ITPR2: variants seen among roughly 807,000 people sequenced by gnomAD.
ITPR2 encodes inositol 1,4,5-trisphosphate-gated calcium channel ITPR2.
A neutral mutation model predicts 317.1 loss-of-function variants in ITPR2; 207 were observed. That is an observed-to-expected ratio of 0.65 (90% CI 0.58 to 0.73). The LOEUF is 0.73. Ranked by LOEUF, ITPR2 falls within the 30% of genes least tolerant of loss-of-function variation. ITPR2 has a pLI of 0.00. For synonymous variants in ITPR2, 1,156 were observed against 1,149.1 expected (o/e 1.01, Z -0.12); for missense variants, 2,613 against 3,284.0 (o/e 0.80, Z 4.99).
At chr12:26,765,490 C>T (rs1565746555) in intron 2 of ITPR2, among the ~76,000 whole-genome samples, 1 of 151,966 alleles carries the variant, frequency 6.6e-6, no homozygotes, top group Non-Finnish European at 1.5e-5. Context: ...TTGCCCTTAC[C>T]TTCTCTTAAA....
chr12:26,583,134 T>C (rs1263767487), intron 32 of ITPR2, among the ~76,000 whole-genome samples: 1 of 152,190 alleles, frequency 6.6e-6, no homozygotes, highest in Non-Finnish European at 1.5e-5. Flanking sequence ...TTTCTTGAAA[T>C]GTGCCATGTG....
At chr12:26,758,992 A>T (rs1413059176) in intron 2 of ITPR2, among the ~76,000 whole-genome samples, 1 of 152,238 alleles carries the variant, frequency 6.6e-6, no homozygotes, top group African/African-American at 2.4e-5. Flanking sequence ...CCTTCTGGAC[A>T]TCATGGTCCA....
chr12:26,697,306 G>C (rs904052764), intron 9 of ITPR2, among the ~76,000 whole-genome samples: 9 of 152,168 alleles, frequency 5.9e-5, no homozygotes, highest in Non-Finnish European at 1.2e-4. Context: ...AACAAGGAAA[G>C]AACAAAGGAA....
Position 26,628,029 on chromosome 12 carries a change from A to G in ITPR2, c.3064+4T>C. On this transcript the variant is annotated splice_donor_region_variant and intron_variant, in intron 23 of 56. Coordinates refer to ENST00000381340, the MANE Select transcript of ITPR2 (RefSeq NM_002223.4). ...AAAGAGTAAATACTGTCACAAAAAG[A>G]TACCTGATGGTAGTAAAGTGTCTGG... 1.3e-6 allele frequency: 2 copies of G among 1,598,848 alleles called. No homozygotes were observed. Among genetic ancestry groups the G allele is most frequent in the Non-Finnish European group, 1.7e-6 (2 of 1,175,596 alleles).
chr12:26,766,823 G>T (rs1949728354), intron 2 of ITPR2, among the ~76,000 whole-genome samples: 1 of 152,036 alleles, frequency 6.6e-6, no homozygotes, highest in Non-Finnish European at 1.5e-5. Flanking sequence ...AAATGTCACA[G>T]ATTTCCTATA....
intron 13 of ITPR2, among the ~76,000 whole-genome samples, chr12:26,671,551 A>G (rs551768699): frequency 4.6e-5 from 7 of 152,308 alleles, no homozygotes; most frequent in African/African-American, 9.6e-5. Context: ...TGAAGGAAGC[A>G]CTAAACATGG....
chr12:26,673,676 T>C (rs1442450966), intron 13 of ITPR2, among the ~76,000 whole-genome samples: 1 of 151,326 alleles, frequency 6.6e-6, no homozygotes, highest in Non-Finnish European at 1.5e-5. Context: ...TTCAACATAG[T>C]GTTGGAAGTT....
intron 37 of ITPR2, among the ~76,000 whole-genome samples, chr12:26,498,927 C>A (rs1041144808): frequency 1.3e-5 from 2 of 152,172 alleles, no homozygotes; most frequent in East Asian, 3.8e-4. Context: ...ACCTCACACT[C>A]CTGGCCTCAA....
At position 26,436,337 on chromosome 12, in the gene ITPR2, G is replaced by A; in HGVS notation, c.6653C>T (p.Ala2218Val). 2.5e-6 allele frequency: 4 copies of A among 1,607,604 alleles called. No individual in the cohort carries two copies. The highest frequency in any genetic ancestry group is 3.4e-6 in the Non-Finnish European group (4 of 1,178,142). The change falls in exon 48 of 57, where the codon GCA (alanine) becomes GTA (valine). Residue 2218 changes from alanine to valine, a missense_variant. Ala to Val is a moderately conservative substitution (Grantham distance 64, BLOSUM62 0). Transcript: ENST00000381340. The stretch of plus-strand genomic sequence containing the variant: ...GATGTGCCTCGAGAACCAGAACAGT[G>A]CAGGGTTATCTAGGAAGTGAGAAAT... ...KWQKKIRNNP[A>V]LFWFSRHISL...
At chr12:26,685,122 C>G (rs756202955) in intron 11 of ITPR2, among the ~76,000 whole-genome samples, 2 of 152,140 alleles carry the variant, frequency 1.3e-5, no homozygotes, top group African/African-American at 4.8e-5. Flanking sequence ...TGCATAGGTG[C>G]CTTCAGCTTC....
intron 45 of ITPR2, among the ~76,000 whole-genome samples, chr12:26,457,940 T>C (rs1591801867): frequency 6.6e-6 from 1 of 152,256 alleles, no homozygotes; most frequent in Middle Eastern, 3.4e-3. Flanking sequence ...GCTCAATAAA[T>C]ATGAACTAAA....
At chr12:26,815,953 C>T (rs1950844623) in intron 1 of ITPR2, among the ~76,000 whole-genome samples, 1 of 151,808 alleles carries the variant, frequency 6.6e-6, no homozygotes. Context: ...ATTAGCCGGG[C>T]GTGGTGGCAC....
chr12:26,457,458 G>A (rs1376318350), intron 45 of ITPR2, among the ~76,000 whole-genome samples: 3 of 152,206 alleles, frequency 2.0e-5, no homozygotes, highest in East Asian at 3.9e-4. Context: ...GGAAGTATTA[G>A]AAGGTGTTGA....
chr12:26,782,462 A>C (rs190531682), intron 2 of ITPR2, among the ~76,000 whole-genome samples: 88 of 152,326 alleles, frequency 5.8e-4, no homozygotes, highest in Admixed American at 5.2e-3. Flanking sequence ...CAAATAGTTA[A>C]AGGGCTATTG....
chr12:26,620,223 C>T lies in ITPR2; in HGVS notation c.3462+900G>A, dbSNP rs149402909. ...GGCATCTACTTGTGGCTGCGAGGGC[C>T]GCAAAGGAAATCCCAGTAGACGTCA... On this transcript the variant is annotated intron_variant, in intron 26 of 56. Transcript: ENST00000381340. Among the ~76,000 whole-genome samples, 34 of 152,346 alleles carry T rather than the reference C, an allele frequency of 2.2e-4. No individual in the cohort carries two copies. In the East Asian group the frequency reaches 6.0e-3, roughly 27 times the overall value.
chr12:26,372,430 C>A (rs911056961), intron 55 of ITPR2, among the ~76,000 whole-genome samples: 1 of 152,228 alleles, frequency 6.6e-6, no homozygotes, highest in South Asian at 2.1e-4. Flanking sequence ...ATTGTTTAAT[C>A]CTTAGGAAAC....
Position 26,786,445 on chromosome 12 carries a change from TCAA to T in ITPR2, c.163+3709_163+3711del, listed in dbSNP as rs1592131110. On this transcript the variant is annotated intron_variant, in intron 2 of 56. Coordinates refer to ENST00000381340, the MANE Select transcript of ITPR2 (RefSeq NM_002223.4). ...CTCTGCGAGAAACACCCAAGAATGA[TCAA>T]TAAAAAAAAAAAAAAAAAAAAATGG... is the stretch of plus-strand genomic sequence containing the variant. 3.8e-4 allele frequency among the ~76,000 whole-genome samples: 12 copies of T among 31,676 alleles called. No homozygotes were observed. In the East Asian group the frequency reaches 0.028, roughly 74 times the overall value. The allele number at this position is 31,676 out of a possible 152,430, so 20.8% of individuals were successfully genotyped here.
At chr12:26,378,951 G>C (rs752976280) in intron 55 of ITPR2, among the ~76,000 whole-genome samples, 7 of 152,150 alleles carry the variant, frequency 4.6e-5, no homozygotes, top group Non-Finnish European at 5.9e-5. Context: ...CTGCCCTGTG[G>C]ACTGAATTTT....
chr12:26,490,347 A>G (rs1942769885), intron 39 of ITPR2, among the ~76,000 whole-genome samples: 1 of 152,258 alleles, frequency 6.6e-6, no homozygotes, highest in Admixed American at 6.5e-5. Context: ...TGAAGAAGAA[A>G]GAATTTAATT....
Sources: allele counts gnomAD v4.1 joint callset (sites outside exome capture counted in the v4.1 genomes callset), GRCh38; gene constraint gnomAD v4.1.1; transcripts MANE v1.5; gene names NCBI Gene and HGNC (gene_info 2026-07-23, HGNC 2026-07-21).